Variants in TREML2 observed in about 807,000 individuals in gnomAD.
TREML2 encodes the protein trem-like transcript 2 protein.
In TREML2, 24 loss-of-function variants were observed where a neutral mutation model predicts 25.9. The ratio of observed to expected loss-of-function variants is 0.93; its 90% CI spans 0.67 to 1.30. The LOEUF (loss-of-function observed/expected upper bound fraction) is 1.30. TREML2 is among the 50% of genes most tolerant of loss of function. The pLI, the probability that TREML2 is intolerant of heterozygous loss-of-function variation, is 0.00. For synonymous variants in TREML2, 139 were observed against 155.2 expected (o/e 0.90, Z 0.77); for missense variants, 359 against 395.6 (o/e 0.91, Z 0.78).
Position 41,195,242 on chromosome 6 carries a change from A to G in TREML2, c.377-409T>C, listed in dbSNP as rs572204304. ...CAAGTAGGGTCCAGAGATGAGGACA[A>G]GGAGGCATCAAGGTCCTCAAATTCC... On this transcript the variant is annotated intron_variant, in intron 2 of 4. Transcript: ENST00000483722. 5.1e-4 allele frequency among the ~76,000 whole-genome samples: 77 copies of G among 152,322 alleles called. 1 individual carries two copies. The highest frequency in any genetic ancestry group is 1.8e-3 in the African/African-American group (76 of 41,578).
chr6:41,193,428 G>A (rs1766102308), intron 3 of TREML2, among the ~76,000 whole-genome samples: 1 of 152,148 alleles, frequency 6.6e-6, no homozygotes, highest in South Asian at 2.1e-4. Flanking sequence ...ACCAATTGGA[G>A]TTGGTGTGTA....
At chr6:41,193,585 C>A (rs961500483) in intron 3 of TREML2, among the ~76,000 whole-genome samples, 2 of 151,948 alleles carry the variant, frequency 1.3e-5, no homozygotes, top group Admixed American at 6.6e-5. Flanking sequence ...ACTCCCCCAC[C>A]TTTTTTCCAG....
intron 1 of TREML2, among the ~76,000 whole-genome samples, chr6:41,200,433 G>T (rs767662631): frequency 8.5e-5 from 13 of 152,156 alleles, no homozygotes; most frequent in Non-Finnish European, 1.6e-4. Context: ...GTGGTAACTT[G>T]GTTGCCATGG....
intron 1 of TREML2, among the ~76,000 whole-genome samples, chr6:41,199,065 T>C (rs1766230553): frequency 6.6e-6 from 1 of 152,212 alleles, no homozygotes; most frequent in Admixed American, 6.5e-5. Context: ...GATTTCACCA[T>C]GTTAGCCAGG....
Position 41,191,971 on chromosome 6 carries a change from G to A in TREML2, c.*456C>T, listed in dbSNP as rs900202676. 7.3e-5 allele frequency: 12 copies of A among 163,928 alleles called. No individual in the cohort carries two copies. The highest frequency in any genetic ancestry group is 1.2e-4 in the Non-Finnish European group (9 of 74,458). 10.2% of individuals were successfully genotyped at this position (163,928 alleles called of 1,614,324 possible). On this transcript the variant is annotated 3_prime_UTR_variant, in exon 5 of 5. Transcript: ENST00000483722. Reference sequence around the variant, plus strand: ...CACTGCCTCTGGCATTCGTGAGCCCGATTCTTTCTTCCCTAACCTTAGGGG... The same window carrying A: ...CACTGCCTCTGGCATTCGTGAGCCCAATTCTTTCTTCCCTAACCTTAGGGG...
chr6:41,191,028 G>A lies in TREML2; in HGVS notation c.*1399C>T, dbSNP rs556792106. ...CTTCCACTCTCCCCACATCCATCCT[G>A]AAGTGGCCCCTCTGGCTGTCCACCA... On this transcript the variant is annotated 3_prime_UTR_variant, in exon 5 of 5. Transcript: ENST00000483722. 1 of 152,932 alleles carries A rather than the reference G, an allele frequency of 6.5e-6. No homozygotes were observed. Among genetic ancestry groups the A allele is most frequent in the South Asian group, 2.1e-4 (1 of 4,840 alleles). 9.5% of individuals were successfully genotyped at this position (152,932 alleles called of 1,614,324 possible). A position where few individuals can be genotyped will look rare whatever the true frequency, so the allele number is the denominator to read the frequency against.
chr6:41,198,906 A>G (rs1766226430), intron 1 of TREML2, among the ~76,000 whole-genome samples: 1 of 152,190 alleles, frequency 6.6e-6, no homozygotes, highest in Non-Finnish European at 1.5e-5. Context: ...TCTGTTGCCC[A>G]GGCTGGAGTG....
chr6:41,194,722 G>T lies in TREML2; in HGVS notation c.488C>A (p.Thr163Asn). The change falls in exon 3 of 5, where the codon ACT (threonine) becomes AAT (asparagine). Residue 163 changes from threonine to asparagine, a missense_variant. Thr to Asn is a moderately conservative substitution (Grantham distance 65, BLOSUM62 0). Transcript: ENST00000483722. Reference protein sequence around the residue: ...PTSGPDAPFTTGVMVFTPGLI... With the variant: ...PTSGPDAPFTNGVMVFTPGLI... ...TCCTGGGGTGAACACCATCACACCA[G>T]TGGTAAAAGGGGCATCAGGGCCTGA... is the stretch of plus-strand genomic sequence containing the variant. 6.2e-7 allele frequency: 1 copy of T among 1,614,104 alleles called. No homozygotes were observed. Among genetic ancestry groups the T allele is most frequent in the Non-Finnish European group, 8.5e-7 (1 of 1,179,992 alleles).
chr6:41,192,318 G>A lies in TREML2; in HGVS notation c.*109C>T, dbSNP rs1561888114. 1.1e-6 allele frequency: 1 copy of A among 903,332 alleles called. No individual in the cohort carries two copies. Among genetic ancestry groups the A allele is most frequent in the East Asian group, 2.6e-5 (1 of 38,202 alleles). The allele number at this position is 903,332 out of a possible 1,614,324, so 56.0% of individuals were successfully genotyped here. On this transcript the variant is annotated 3_prime_UTR_variant, in exon 5 of 5. Transcript: ENST00000483722. ...GGAAGTCCTGGGTGAGTCCAGCACT[G>A]CACAAGTCCTCCAGCTTCATAAGAT...
chr6:41,198,262 G>A lies in TREML2; in HGVS notation c.223C>T (p.Pro75Ser), dbSNP rs767705020. 1.4e-5 allele frequency: 23 copies of A among 1,614,116 alleles called. No individual in the cohort carries two copies. The highest frequency in any genetic ancestry group is 2.2e-5 in the East Asian group (1 of 44,892). ...PGFARVWVKG[P>S]RYLLQDDAQA... ...GCATCGTCCTGCAGCAAGTAGCGGG[G>A]CCCTTTCACCCAGACTCGGGCAAAG... The change falls in exon 2 of 5, where the codon CCC (proline) becomes TCC (serine). Residue 75 changes from proline (P) to serine (S), a missense_variant. Coordinates refer to ENST00000483722, the MANE Select transcript of TREML2 (RefSeq NM_024807.4).
In TREML2 at chr6:41,192,377, C is replaced by T. The variant is rs368352171; in HGVS notation, c.*50G>A. The T allele has an allele frequency of 2.2e-5, 32 of 1,480,958 alleles. No homozygotes were observed. The African/African-American group carries it at 3.3e-4, about 15-fold the overall frequency. 91.7% of individuals were successfully genotyped at this position (1,480,958 alleles called of 1,614,324 possible). On this transcript the variant is annotated 3_prime_UTR_variant, in exon 5 of 5. Coordinates refer to ENST00000483722, the MANE Select transcript of TREML2 (RefSeq NM_024807.4). Reference sequence around the variant, plus strand: ...GCCCCAATCTTCACCCCTCCTCTAACCCCCTGGGGCCACTCTGGGAGAAGC... The same window carrying T: ...GCCCCAATCTTCACCCCTCCTCTAATCCCCTGGGGCCACTCTGGGAGAAGC...
intron 2 of TREML2, among the ~76,000 whole-genome samples, chr6:41,196,278 G>A (rs1232312580): frequency 3.3e-5 from 5 of 152,194 alleles, no homozygotes; most frequent in African/African-American, 1.2e-4. Flanking sequence ...GAACTGGAGA[G>A]GGGAGCAATG....
At chr6:41,196,033 G>A (rs1470380340) in intron 2 of TREML2, among the ~76,000 whole-genome samples, 2 of 152,144 alleles carry the variant, frequency 1.3e-5, no homozygotes, top group African/African-American at 4.8e-5. Flanking sequence ...ATCCTATACT[G>A]CTAGATGACC....
chr6:41,194,000 A>C (rs1582096096), intron 3 of TREML2, among the ~76,000 whole-genome samples: 1 of 116,612 alleles, frequency 8.6e-6, no homozygotes, highest in African/African-American at 3.3e-5. Flanking sequence ...CTTTATCCCG[A>C]CCCTCCTCTC....
intron 3 of TREML2, 96 bp downstream of exon 3, chr6:41,194,329 G>T: frequency 1.5e-6 from 2 of 1,306,708 alleles, no homozygotes; most frequent in Non-Finnish European, 2.1e-6. Flanking sequence ...TGGGTTCCTG[G>T]GGAGCAAAAG....
rs377102036 is a variant in TREML2 at position 41,195,310 on chromosome 6, G to T, written c.377-477C>A. ...GTTGGGGTCAGACACTTTCCTTGGG[G>T]GCTCACTAAGAGATATCAAACTGGT... On this transcript the variant is annotated intron_variant, in intron 2 of 4. Transcript: ENST00000483722. Among the ~76,000 whole-genome samples, 4 of 152,090 alleles carry T rather than the reference G, an allele frequency of 2.6e-5. No homozygotes were observed. The East Asian group carries it at 7.7e-4, about 29-fold the overall frequency.
intron 1 of TREML2, among the ~76,000 whole-genome samples, 189 bp downstream of exon 1, chr6:41,200,765 G>A (rs1362630482): frequency 6.6e-6 from 1 of 152,226 alleles, no homozygotes; most frequent in Non-Finnish European, 1.5e-5. Flanking sequence ...CTTGGCTTGG[G>A]AGGCCTGGGT....
intron 4 of TREML2, 47 bp from the exon 5 acceptor site, chr6:41,192,553 G>A: frequency 6.4e-7 from 1 of 1,556,194 alleles, no homozygotes; most frequent in Non-Finnish European, 8.8e-7. Context: ...CCTGCCCACG[G>A]TGCCCCGATG....
rs1432116094 is a variant in TREML2, at chr6:41,198,162, T to C, written c.323A>G (p.Asn108Ser). 3 of 1,613,554 alleles carry C rather than the reference T, an allele frequency of 1.9e-6. No individual in the cohort carries two copies. Among genetic ancestry groups the C allele is most frequent in the East Asian group, 2.2e-5 (1 of 44,870 alleles). Reference sequence around the variant, plus strand: ...CAAGGGGTACAGGATCCCAGAGGTGTTGCGCATGCACCAGTATCGGCCTGA... The same window carrying C: ...CAAGGGGTACAGGATCCCAGAGGTGCTGCGCATGCACCAGTATCGGCCTGA... Reference protein sequence around the residue: ...QDSGRYWCMRNTSGILYPLMG... With the variant: ...QDSGRYWCMRSTSGILYPLMG... The change falls in exon 2 of 5, where the codon AAC becomes AGC. Residue 108 changes from asparagine to serine, a missense_variant. Physicochemically the swap from Asn to Ser is conservative, Grantham distance 46 (BLOSUM62 1). Coordinates refer to ENST00000483722, the MANE Select transcript of TREML2 (RefSeq NM_024807.4).
Sources: gnomAD v4.1 joint callset for allele counts (sites outside exome capture counted in the v4.1 genomes callset) on GRCh38, gnomAD v4.1.1 for gene constraint, MANE v1.5 for transcripts, NCBI Gene and HGNC (gene_info 2026-07-23, HGNC 2026-07-21) for gene names.